USP54: variants seen among roughly 807,000 people sequenced by gnomAD.
USP54 encodes ubiquitin specific peptidase 54.
USP54 carries 87 observed loss-of-function variants against 170.5 expected under a neutral mutation model. The ratio of observed to expected loss-of-function variants is 0.51; its 90% CI spans 0.43 to 0.61. The LOEUF is 0.61. USP54 is among the 20% of genes least tolerant of loss of function. The pLI is 0.00. For missense variants in USP54, 1,786 were observed against 2,047.8 expected (o/e 0.87, Z 2.47); for synonymous variants, 655 against 742.8 (o/e 0.88, Z 1.92).
At chr10:73,566,563 T>C (rs1043405144) in intron 4 of USP54, among the ~76,000 whole-genome samples, 5 of 151,670 alleles carry the variant, frequency 3.3e-5, no homozygotes, top group African/African-American at 9.7e-5. Context: ...AAACCCCATC[T>C]CTACTAAAAA....
In USP54 at chr10:73,517,394, T is replaced by C. The variant is rs759043975; in HGVS notation, c.3032A>G (p.Lys1011Arg). ...GCCTCTTCCTTCTTGTGGAGGGAGC[T>C]TGCTGCAACTGCTGTTGTCACACCT... ...GSRCDNSSCS[K>R]LPPQEGRGIA... is the part of the protein sequence containing the mutation. The change falls in exon 20 of 24, where the codon AAG becomes AGG. Residue 1011 changes from lysine to arginine, a missense_variant. Lys to Arg is a conservative substitution (Grantham distance 26). Transcript: ENST00000687698. The C allele has an allele frequency of 1.2e-6, 2 of 1,613,926 alleles. No homozygotes were observed. The highest frequency in any genetic ancestry group is 1.7e-6 in the Non-Finnish European group (2 of 1,179,916).
At chr10:73,622,434 C>T (rs750515696) in intron 1 of USP54, among the ~76,000 whole-genome samples, 76 of 151,970 alleles carry the variant, frequency 5.0e-4, no homozygotes, top group Non-Finnish European at 9.9e-4. Context: ...AGCGATTCTC[C>T]TGCCTCAGCC....
At chr10:73,553,147 T>A (rs973860093) in intron 4 of USP54, 1 of 152,126 alleles carries the variant, frequency 6.6e-6, no homozygotes, top group African/African-American at 2.4e-5. Flanking sequence ...CCAGAGTGGG[T>A]CTGTAACAAT....
intron 20 of USP54, among the ~76,000 whole-genome samples, chr10:73,508,901 C>T (rs955276899): frequency 3.3e-5 from 5 of 150,946 alleles, no homozygotes; most frequent in East Asian, 3.9e-4. Flanking sequence ...TTCCTGACCT[C>T]GTGATCTGCC....
At position 73,517,658 on chromosome 10, in the gene USP54, A is replaced by G; in HGVS notation, c.2768T>C (p.Phe923Ser). ...CTCATGGCAGGAAGCAGGTGAATGG[A>G]AGAAAGAACTGGCCCCAAACTCTGT... ...MDTEFGASSF[F>S]HSPASCHESH... The change falls in exon 20 of 24, where the codon TTC becomes TCC. Residue 923 changes from phenylalanine (F) to serine (S), a missense_variant. Around this residue, in one of 3 missense-constraint regions of USP54, gnomAD observed 1,418 missense variants for 1,569.0 expected, o/e 0.90. Transcript: ENST00000687698. The G allele has an allele frequency of 6.2e-7, 1 of 1,614,192 alleles. No individual in the cohort carries two copies. Among genetic ancestry groups the G allele is most frequent in the Non-Finnish European group, 8.5e-7 (1 of 1,180,026 alleles).
intron 9 of USP54, among the ~76,000 whole-genome samples, chr10:73,540,808 C>A (rs917358419): frequency 6.6e-6 from 1 of 152,060 alleles, no homozygotes; most frequent in Non-Finnish European, 1.5e-5. Context: ...AGGAAGAAAA[C>A]CTAAAATAAG....
intron 4 of USP54, among the ~76,000 whole-genome samples, chr10:73,570,875 C>T (rs1368468854): frequency 6.6e-6 from 1 of 152,142 alleles, no homozygotes; most frequent in Admixed American, 6.5e-5. Flanking sequence ...CAATGGCTCA[C>T]GCCTGTAATC....
At chr10:73,564,010 A>C (rs1331373751) in intron 4 of USP54, among the ~76,000 whole-genome samples, 1 of 151,700 alleles carries the variant, frequency 6.6e-6, no homozygotes, top group Non-Finnish European at 1.5e-5. Flanking sequence ...AAAAACAAAA[A>C]AAAAACACTG....
Position 73,517,515 on chromosome 10 carries a change from T to C in USP54, c.2911A>G (p.Arg971Gly). 3 of 1,614,206 alleles carry C rather than the reference T, an allele frequency of 1.9e-6. No individual in the cohort carries two copies. The highest frequency in any genetic ancestry group is 2.5e-6 in the Non-Finnish European group (3 of 1,180,030). Residue 971 changes from arginine to glycine, a missense_variant, in exon 20 of 24, where the codon AGG (arginine) becomes GGG (glycine). Physicochemically the swap from Arg to Gly is moderately radical, Grantham distance 125. Coordinates refer to ENST00000687698, the MANE Select transcript of USP54 (RefSeq NM_001391956.1). ...VDNIEPSAFH[R>G]QGLPKAPGWT... Reference sequence around the variant, plus strand: ...CCTGGTGCTTTAGGTAAACCTTGCCTGTGGAATGCAGAGGGTTCAATGTTG... The same window carrying C: ...CCTGGTGCTTTAGGTAAACCTTGCCCGTGGAATGCAGAGGGTTCAATGTTG...
chr10:73,543,777 A>G (rs1453173837), intron 5 of USP54, among the ~76,000 whole-genome samples: 3 of 152,128 alleles, frequency 2.0e-5, no homozygotes, highest in Non-Finnish European at 2.9e-5. Context: ...GCTCTATGCC[A>G]TTTTATCAAG....
At chr10:73,565,325 T>G (rs1343496501) in intron 4 of USP54, among the ~76,000 whole-genome samples, 2 of 151,998 alleles carry the variant, frequency 1.3e-5, no homozygotes, top group African/African-American at 4.8e-5. Context: ...AAAACCAGCC[T>G]AGGCAACATA....
At chr10:73,605,759 C>G (rs77459981) in intron 1 of USP54, among the ~76,000 whole-genome samples, 5,357 of 152,082 alleles carry the variant, frequency 0.035, 154 homozygotes, top group South Asian at 0.12. Flanking sequence ...CCAATGACTC[C>G]ATTATATGAG....
At chr10:73,535,461 T>C (rs1455209765) in intron 11 of USP54, among the ~76,000 whole-genome samples, 1 of 152,118 alleles carries the variant, frequency 6.6e-6, no homozygotes, top group Non-Finnish European at 1.5e-5. Flanking sequence ...GTATCTTCTC[T>C]TTCAAAATTA....
At chr10:73,532,696 A>G (rs1267145003) in intron 12 of USP54, among the ~76,000 whole-genome samples, 1 of 152,208 alleles carries the variant, frequency 6.6e-6, no homozygotes, top group African/African-American at 2.4e-5. Flanking sequence ...TCCAACTACC[A>G]ATTTACAAGA....
At chr10:73,605,559 T>G (rs558458521) in intron 1 of USP54, among the ~76,000 whole-genome samples, 1 of 152,216 alleles carries the variant, frequency 6.6e-6, no homozygotes, top group African/African-American at 2.4e-5. Flanking sequence ...TGTATACCCA[T>G]GTTCATAGCA....
Position 73,497,572 on chromosome 10 carries a change from A to G in USP54, c.*1057T>C, listed in dbSNP as rs1325331121. The G allele has an allele frequency of 1.3e-5, 2 of 152,258 alleles. No individual in the cohort carries two copies. Among genetic ancestry groups the G allele is most frequent in the Admixed American group, 1.3e-4 (2 of 15,290 alleles). 9.4% of individuals were successfully genotyped at this position (152,258 alleles called of 1,614,324 possible). On this transcript the variant is annotated 3_prime_UTR_variant, in exon 24 of 24. Transcript: ENST00000687698. ...ACTGTCTTATAGATTTATTAATGAA[A>G]AATACTTTACAAAAACAGTATGTTT...
intron 1 of USP54, among the ~76,000 whole-genome samples, chr10:73,617,601 G>A (rs932006526): frequency 6.7e-6 from 1 of 150,372 alleles, no homozygotes; most frequent in Admixed American, 6.6e-5. Context: ...GGGCTGAGGT[G>A]GAAAAATTCC....
chr10:73,532,238 T>C (rs1182689609), intron 12 of USP54, among the ~76,000 whole-genome samples: 3 of 151,990 alleles, frequency 2.0e-5, no homozygotes, highest in African/African-American at 7.3e-5. Context: ...AGTGGTGCGA[T>C]CTCAACTCAC....
At chr10:73,549,791 A>G (rs1280259689) in intron 4 of USP54, among the ~76,000 whole-genome samples, 1 of 152,220 alleles carries the variant, frequency 6.6e-6, no homozygotes, top group East Asian at 1.9e-4. Context: ...CAGCAATCAT[A>G]TGATTTTTTA....
Sources: allele counts gnomAD v4.1 joint callset (sites outside exome capture counted in the v4.1 genomes callset), GRCh38; gene constraint gnomAD v4.1.1; regional missense constraint gnomAD v4.1.1; transcripts MANE v1.5; gene names NCBI Gene and HGNC (gene_info 2026-07-23, HGNC 2026-07-21).